SORCS1: variants seen among roughly 807,000 people sequenced by gnomAD.
The protein encoded by SORCS1 is VPS10 domain-containing receptor SorCS1.
Under a neutral mutation model 146.1 loss-of-function variants are expected in SORCS1, and 60 were observed. The observed-to-expected ratio is 0.41, with a 90% CI of 0.33 to 0.51. SORCS1 has a LOEUF of 0.51. Among genes scored for constraint, SORCS1 ranks in the 20% least tolerant of loss-of-function variants. The probability of loss-of-function intolerance (pLI) is 0.21; values close to 1 mark genes in which losing one functional copy is unlikely to be tolerated. For synonymous variants in SORCS1, 637 were observed against 584.0 expected (o/e 1.09, Z -1.31); for missense variants, 1,352 against 1,487.6 (o/e 0.91, Z 1.50).
At chr10:106,603,023 C>T (rs1359383221) in intron 23 of SORCS1, among the ~76,000 whole-genome samples, 1 of 152,136 alleles carries the variant, frequency 6.6e-6, no homozygotes, top group African/African-American at 2.4e-5. Context: ...TTGTGGTTGA[C>T]ATTTTTTTCA....
At chr10:106,617,920 T>C (rs1359533454) in intron 21 of SORCS1, among the ~76,000 whole-genome samples, 1 of 152,196 alleles carries the variant, frequency 6.6e-6, no homozygotes, top group Non-Finnish European at 1.5e-5. Flanking sequence ...AGTGAGTGAA[T>C]AGTCACTCTA....
intron 24 of SORCS1, 83 bp from the exon 25 acceptor site, chr10:106,579,557 C>A (rs1844781100): frequency 2.2e-6 from 3 of 1,390,616 alleles, no homozygotes; most frequent in Non-Finnish European, 2.0e-6. Flanking sequence ...GTTTCACACA[C>A]AAGCAGAGGT....
In SORCS1 at chr10:107,078,331, TC is replaced by T. The variant is rs538781337; in HGVS notation, c.558+85637del. Among the ~76,000 whole-genome samples the T allele has an allele frequency of 4.7e-4, 71 of 152,338 alleles. 1 individual carries two copies. The highest frequency in any genetic ancestry group is 4.1e-3 in the South Asian group (20 of 4,826). ...AAATAAAATAAAAAAGATTACTCAT[TC>T]AATTTAGCCTAGTTCTAGCTCAGAT... On this transcript the variant is annotated intron_variant, in intron 1 of 25. Transcript: ENST00000263054.
chr10:107,021,726 C>A (rs1958156009), intron 1 of SORCS1, among the ~76,000 whole-genome samples: 1 of 151,976 alleles, frequency 6.6e-6, no homozygotes, highest in South Asian at 2.1e-4. Flanking sequence ...GATAAAGTAT[C>A]TTCCCTAAGA....
intron 1 of SORCS1, among the ~76,000 whole-genome samples, chr10:106,959,456 G>A (rs887042400): frequency 6.6e-6 from 1 of 151,980 alleles, no homozygotes; most frequent in African/African-American, 2.4e-5. Flanking sequence ...ACTGAACAAC[G>A]ATGCATCCTT....
At chr10:106,819,472 G>T (rs1947907776) in intron 3 of SORCS1, among the ~76,000 whole-genome samples, 1 of 152,146 alleles carries the variant, frequency 6.6e-6, no homozygotes, top group Non-Finnish European at 1.5e-5. Context: ...GCAGTGACAG[G>T]AAATAGGTGC....
chr10:106,868,186 C>A (rs1425327562), intron 2 of SORCS1, among the ~76,000 whole-genome samples: 1 of 152,106 alleles, frequency 6.6e-6, no homozygotes, highest in Admixed American at 6.6e-5. Flanking sequence ...CACAGGAGTA[C>A]CCAGATTTAT....
chr10:107,028,077 C>T (rs1442219648), intron 1 of SORCS1, among the ~76,000 whole-genome samples: 1 of 152,254 alleles, frequency 6.6e-6, no homozygotes, highest in East Asian at 1.9e-4. Flanking sequence ...CTCTTCTTGT[C>T]GTATTTTATC....
At chr10:106,736,508 C>T (rs1392483984) in intron 5 of SORCS1, among the ~76,000 whole-genome samples, 1 of 151,808 alleles carries the variant, frequency 6.6e-6, no homozygotes, top group Non-Finnish European at 1.5e-5. Flanking sequence ...TTGGCAGTGA[C>T]ATACCTTGGT....
intron 8 of SORCS1, among the ~76,000 whole-genome samples, chr10:106,704,723 CA>C (rs1161647043): frequency 6.6e-6 from 1 of 151,994 alleles, no homozygotes; most frequent in Non-Finnish European, 1.5e-5. Context: ...AAAACAAAAA[CA>C]AAAAACAGTT....
chr10:106,635,269 A>G (rs748440239), intron 18 of SORCS1, among the ~76,000 whole-genome samples: 2 of 152,256 alleles, frequency 1.3e-5, no homozygotes, highest in African/African-American at 2.4e-5. Flanking sequence ...CATTGCAGAT[A>G]GACACCAGGC....
At chr10:107,001,380 C>T (rs1345768651) in intron 1 of SORCS1, among the ~76,000 whole-genome samples, 3 of 152,044 alleles carry the variant, frequency 2.0e-5, no homozygotes, top group African/African-American at 7.2e-5. Flanking sequence ...ACTCCAACAT[C>T]GTATACAGAA....
chr10:107,058,099 T>C (rs1482721976), intron 1 of SORCS1, among the ~76,000 whole-genome samples: 6 of 152,182 alleles, frequency 3.9e-5, no homozygotes, highest in Admixed American at 3.3e-4. Flanking sequence ...TGGAGTGCAG[T>C]GGTGCGATCT....
intron 8 of SORCS1, among the ~76,000 whole-genome samples, chr10:106,705,007 T>C (rs1395144351): frequency 6.6e-6 from 1 of 152,200 alleles, no homozygotes; most frequent in African/African-American, 2.4e-5. Context: ...CAGAGGTAAT[T>C]TGAACAACAC....
At chr10:107,125,908 G>A (rs1966687785) in intron 1 of SORCS1, among the ~76,000 whole-genome samples, 1 of 152,166 alleles carries the variant, frequency 6.6e-6, no homozygotes, top group Non-Finnish European at 1.5e-5. Context: ...GGTCCCAGAA[G>A]AAATGCTACC....
At chr10:106,705,701 C>A (rs1854466353) in intron 8 of SORCS1, among the ~76,000 whole-genome samples, 1 of 152,184 alleles carries the variant, frequency 6.6e-6, no homozygotes, top group Admixed American at 6.5e-5. Flanking sequence ...TCAAATACAT[C>A]ACGATGGCAG....
At chr10:106,892,784 T>C (rs956015133) in intron 2 of SORCS1, among the ~76,000 whole-genome samples, 10 of 151,994 alleles carry the variant, frequency 6.6e-5, no homozygotes, top group Non-Finnish European at 1.0e-4. Context: ...TTTACCAAAA[T>C]AGGTTATCTA....
intron 1 of SORCS1, among the ~76,000 whole-genome samples, chr10:106,976,334 T>TTTTTTTTTG (rs79785158): frequency 0.022 from 1,530 of 69,822 alleles, 46 homozygotes; most frequent in African/African-American, 0.058. Flanking sequence ...GGTTTTTTTG[T>TTTTTTTTTG]TTTTTTTTTT....
intron 1 of SORCS1, among the ~76,000 whole-genome samples, chr10:106,957,802 C>G (rs1955035419): frequency 6.6e-6 from 1 of 152,198 alleles, no homozygotes; most frequent in South Asian, 2.1e-4. Flanking sequence ...AGCACTATTT[C>G]CAACTTTACC....
Sources: allele counts gnomAD v4.1 joint callset (sites outside exome capture counted in the v4.1 genomes callset), GRCh38; gene constraint gnomAD v4.1.1; transcripts MANE v1.5; gene names NCBI Gene and HGNC (gene_info 2026-07-23, HGNC 2026-07-21).